The following NRAP variants were observed in gnomAD, a reference collection of about 807,000 sequenced individuals.
NRAP encodes the protein nebulin-related-anchoring protein.
NRAP carries 189 observed loss-of-function variants against 225.9 expected under a neutral mutation model. The ratio of observed to expected loss-of-function variants is 0.84; its 90% CI spans 0.74 to 0.94. The LOEUF (loss-of-function observed/expected upper bound fraction) is 0.94, where lower values mean the gene tolerates loss of function less well. Ranked by LOEUF, NRAP falls within the 40% of genes least tolerant of loss-of-function variation. NRAP has a pLI of 0.00. For missense variants in NRAP, 2,176 were observed against 2,168.7 expected, an observed-to-expected ratio of 1.00 and a Z score of -0.07; for synonymous variants, 769 against 790.7, an observed-to-expected ratio of 0.97 and a Z score of 0.46.
rs750532503 is a variant in NRAP at position 113,612,358 on chromosome 10, T to A, written c.3374A>T (p.His1125Leu). Residue 1125 changes from histidine (H) to leucine (L), a missense_variant, in exon 30 of 42, where the codon CAT becomes CTT. Physicochemically the swap from His to Leu is moderately conservative, Grantham distance 99. Around this residue, in one of 3 missense-constraint regions of NRAP, gnomAD observed 1,708 missense variants for 1,695.5 expected, o/e 1.01. Coordinates refer to ENST00000359988, the MANE Select transcript of NRAP (RefSeq NM_198060.4). Reference sequence around the variant, plus strand: ...GGCCAGGGTCTGAGCCTTCTTGGCATGCACCAGGGCGGCCATGTCCAACGG... The same window carrying A: ...GGCCAGGGTCTGAGCCTTCTTGGCAAGCACCAGGGCGGCCATGTCCAACGG... ...HLPLDMAALV[H>L]AKKAQTLASN... 1.1e-5 allele frequency: 17 copies of A among 1,614,098 alleles called. No individual in the cohort carries two copies. Among genetic ancestry groups the A allele is most frequent in the Non-Finnish European group, 4.2e-6 (5 of 1,180,030 alleles).
intron 16 of NRAP, 122 bp downstream of exon 16, chr10:113,632,960 GAT>G (rs1848654960): frequency 1.5e-6 from 1 of 671,116 alleles, no homozygotes; most frequent in Non-Finnish European, 2.8e-6. Context: ...GTTACAACTT[GAT>G]GGATGCCTCT....
At chr10:113,609,782 A>G (rs569544254) in intron 31 of NRAP, among the ~76,000 whole-genome samples, 9 of 152,174 alleles carry the variant, frequency 5.9e-5, no homozygotes, top group African/African-American at 2.2e-4. Flanking sequence ...TGGAATGTCA[A>G]TCTCTCTCTG....
At chr10:113,614,571 C>G (rs926124791) in intron 28 of NRAP, among the ~76,000 whole-genome samples, 9 of 152,224 alleles carry the variant, frequency 5.9e-5, no homozygotes, top group African/African-American at 2.2e-4. Context: ...CACATGGACT[C>G]TCTTTATGAA....
At chr10:113,600,094 G>T in intron 35 of NRAP, among the ~76,000 whole-genome samples, 1 of 151,836 alleles carries the variant, frequency 6.6e-6, no homozygotes, top group African/African-American at 2.4e-5. Context: ...GTAGAGTGGG[G>T]TTTGTTTTAG....
At chr10:113,612,535 G>A in intron 29 of NRAP, 104 bp from the exon 30 acceptor site, 1 of 933,834 alleles carries the variant, frequency 1.1e-6, no homozygotes, top group Non-Finnish European at 1.7e-6. Flanking sequence ...GTAAGCCCAG[G>A]GGAAGTTCTT....
In NRAP at chr10:113,663,332, T is replaced by TG. The variant is rs747015381; in HGVS notation, c.167+19dup. On this transcript the variant is annotated intron_variant, in intron 2 of 41. Transcript: ENST00000359988. ...ACAAATAAAACTCAAGAGGTAGTGGTGGGGGCATCAAACACTTACGCGTGA... is the reference window on the plus strand; with the variant it reads ...ACAAATAAAACTCAAGAGGTAGTGGTGGGGGGCATCAAACACTTACGCGTGA... 7.1e-7 allele frequency: 1 copy of TG among 1,403,190 alleles called. No individual in the cohort carries two copies. The highest frequency in any genetic ancestry group is 1.0e-6 in the Non-Finnish European group (1 of 987,884). 86.9% of individuals were successfully genotyped at this position (1,403,190 alleles called of 1,614,324 possible).
At chr10:113,596,899 G>T (rs1037540836) in intron 37 of NRAP, among the ~76,000 whole-genome samples, 187 bp downstream of exon 37, 1 of 152,104 alleles carries the variant, frequency 6.6e-6, no homozygotes, top group Non-Finnish European at 1.5e-5. Context: ...AGGTTAGAAG[G>T]GATTCAGCAA....
chr10:113,598,842 C>G (rs1009570045), intron 35 of NRAP, among the ~76,000 whole-genome samples: 1 of 152,182 alleles, frequency 6.6e-6, no homozygotes, highest in African/African-American at 2.4e-5. Context: ...TTTCTTTCCT[C>G]ATTTTAAGAG....
intron 23 of NRAP, among the ~76,000 whole-genome samples, 194 bp from the exon 24 acceptor site, chr10:113,622,374 AT>A (rs980202086): frequency 2.0e-5 from 3 of 152,128 alleles, no homozygotes; most frequent in African/African-American, 7.2e-5. Context: ...ATTACCTATT[AT>A]TTCCCTTTTC....
At chr10:113,593,982 T>C (rs1846140647) in intron 38 of NRAP, among the ~76,000 whole-genome samples, 1 of 152,226 alleles carries the variant, frequency 6.6e-6, no homozygotes, top group Non-Finnish European at 1.5e-5. Flanking sequence ...TCTGGGCGAC[T>C]TCTCCCTGTG....
At chr10:113,629,150 G>T in intron 19 of NRAP, 129 bp from the exon 20 acceptor site, 1 of 722,800 alleles carries the variant, frequency 1.4e-6, no homozygotes. Flanking sequence ...GCTCCTTTAT[G>T]GTCAGGCAGA....
At chr10:113,640,385 G>A in intron 13 of NRAP, 54 bp from the exon 14 acceptor site, 1 of 1,067,428 alleles carries the variant, frequency 9.4e-7, no homozygotes. Flanking sequence ...ACTTTCTTTT[G>A]GCTTTGTTTG....
Position 113,653,461 on chromosome 10 carries a change from A to C in NRAP, c.466-422T>G, listed in dbSNP as rs79661250. Among the ~76,000 whole-genome samples the C allele has an allele frequency of 6.8e-3, 1,032 of 152,304 alleles. 20 individuals are homozygous for C. The highest frequency in any genetic ancestry group is 0.024 in the African/African-American group (987 of 41,562). On this transcript the variant is annotated intron_variant, in intron 5 of 41. Coordinates refer to ENST00000359988, the MANE Select transcript of NRAP (RefSeq NM_198060.4). ...ATATCTCTGATGATTAGTTTTCCTAATGAGACTTATCACCTTAGCATTTGT... is the reference window on the plus strand; with the variant it reads ...ATATCTCTGATGATTAGTTTTCCTACTGAGACTTATCACCTTAGCATTTGT...
At position 113,604,795 on chromosome 10, in the gene NRAP, C is replaced by G. The variant is rs767566329; in HGVS notation, c.4041G>C (p.Arg1347Ser). The G allele has an allele frequency of 2.5e-6, 4 of 1,614,094 alleles. No homozygotes were observed. The highest frequency in any genetic ancestry group is 3.4e-6 in the Non-Finnish European group (4 of 1,180,050). Residue 1347 changes from arginine to serine, a missense_variant, in exon 35 of 42, where the codon AGG becomes AGC. Transcript: ENST00000359988. ...MGQLQSELQY[R>S]RGATSSQAQF... Reference sequence around the variant, plus strand: ...GGGCTTGGCTGCTGGTCGCCCCCCTCCTGTACTGAAGCTCGCTCTGCAGCT... The same window carrying G: ...GGGCTTGGCTGCTGGTCGCCCCCCTGCTGTACTGAAGCTCGCTCTGCAGCT...
At chr10:113,642,571 A>G (rs1849269642) in intron 12 of NRAP, among the ~76,000 whole-genome samples, 1 of 152,152 alleles carries the variant, frequency 6.6e-6, no homozygotes, top group African/African-American at 2.4e-5. Context: ...GGGTGAAATG[A>G]GGTCATATTA....
chr10:113,631,577 C>G lies in NRAP; in HGVS notation c.1774G>C (p.Gly592Arg). The G allele has an allele frequency of 6.2e-7, 1 of 1,612,396 alleles. No homozygotes were observed. The highest frequency in any genetic ancestry group is 8.5e-7 in the Non-Finnish European group (1 of 1,178,686). The change falls in exon 18 of 42, where the codon GGC becomes CGC. Residue 592 changes from glycine to arginine, a missense_variant. By Grantham distance (125) the Gly-to-Arg change is moderately radical. Coordinates refer to ENST00000359988, the MANE Select transcript of NRAP (RefSeq NM_198060.4). The stretch of plus-strand genomic sequence containing the variant: ...GAGTCGGCTGTTCCCATGGCTTTGC[C>G]TTTTGTCTTTTCATATTCTTCTTTA... Reference protein sequence around the residue: ...KYKEEYEKTKGKAMGTADSRL... With the variant: ...KYKEEYEKTKRKAMGTADSRL...
intron 35 of NRAP, among the ~76,000 whole-genome samples, chr10:113,602,839 A>G (rs1325629284): frequency 6.6e-6 from 1 of 152,194 alleles, no homozygotes; most frequent in Non-Finnish European, 1.5e-5. Context: ...ACTGAGAACC[A>G]GATTCTCAAC....
At chr10:113,591,459 C>G (rs779655837) in intron 39 of NRAP, among the ~76,000 whole-genome samples, 3 of 152,292 alleles carry the variant, frequency 2.0e-5, no homozygotes, top group African/African-American at 7.2e-5. Flanking sequence ...TGGCCTTCAC[C>G]CTTTTCAATG....
rs777301556 is a variant in NRAP, at chr10:113,589,652, A to G, written c.5088+14T>C. 4 of 1,609,108 alleles carry G rather than the reference A, an allele frequency of 2.5e-6. No homozygotes were observed. Among genetic ancestry groups the G allele is most frequent in the Non-Finnish European group, 1.7e-6 (2 of 1,178,466 alleles). On this transcript the variant is annotated intron_variant, in intron 41 of 41. Coordinates refer to ENST00000359988, the MANE Select transcript of NRAP (RefSeq NM_198060.4). ...CCTTGCAAGCCAGGGGTGGCTTTGC[A>G]GCTTGCTACTCACGTAAGCTCCCTG...
Sources: allele counts gnomAD v4.1 joint callset (sites outside exome capture counted in the v4.1 genomes callset), GRCh38; gene constraint gnomAD v4.1.1; regional missense constraint gnomAD v4.1.1; transcripts MANE v1.5; gene names NCBI Gene and HGNC (gene_info 2026-07-23, HGNC 2026-07-21).